GGTLC1: variants seen among roughly 807,000 people sequenced by gnomAD.
GGTLC1 encodes gamma-glutamyltransferase light chain 1, also known as glutathione hydrolase light chain 1.
In GGTLC1, 14 loss-of-function variants were observed where a neutral mutation model predicts 19.5. The ratio of observed to expected loss-of-function variants is 0.72; its 90% confidence interval spans 0.47 to 1.12. GGTLC1 has a LOEUF of 1.12. GGTLC1 is among the 50% of genes most tolerant of loss of function. The pLI is 0.00. For synonymous variants in GGTLC1, 110 were observed against 124.2 expected (o/e 0.89, Z 0.76); for missense variants, 304 against 309.2 (o/e 0.98, Z 0.13).
At chr20:23,985,593 G>T (rs1987829682) in intron 5 of GGTLC1, 74 bp downstream of exon 5, 3 of 1,608,596 alleles carry the variant, frequency 1.9e-6, no homozygotes, top group Non-Finnish European at 2.5e-6. Flanking sequence ...TCCACTCTGT[G>T]ATGATCCAGG....
chr20:23,988,272 T>C (rs554133118), intron 1 of GGTLC1, among the ~76,000 whole-genome samples: 1 of 151,624 alleles, frequency 6.6e-6, no homozygotes, highest in East Asian at 2.0e-4. Context: ...GGTCTCCAAC[T>C]CCTGAGCTCG....
chr20:23,986,549 C>G lies in GGTLC1; in HGVS notation c.63G>C (p.Pro21=). The G allele has an allele frequency of 6.2e-7, 1 of 1,609,838 alleles. No homozygotes were observed. Among genetic ancestry groups the G allele is most frequent in the Non-Finnish European group, 8.5e-7 (1 of 1,178,952 alleles). Residue 21 remains proline, a synonymous_variant, in exon 2 of 6, where the codon CCG becomes CCC. Coordinates refer to ENST00000335694, the MANE Select transcript of GGTLC1 (RefSeq NM_178311.3). The stretch of plus-strand genomic sequence containing the variant: ...AGAACTCGGGCTTGTAGTAGGAGAT[C>G]GGGTGAGTGGTGTCGTCAGAGATCT... ...RAQISDDTTH[P]ISYYKPEFYM... is the part of the protein sequence containing the mutation.
In GGTLC1 at chr20:23,986,655, T is replaced by A; in HGVS notation, c.-34-10A>T. 4.2e-6 allele frequency: 1 copy of A among 238,334 alleles called. No individual in the cohort carries two copies. 14.8% of individuals were successfully genotyped at this position (238,334 alleles called of 1,614,324 possible). A position where few individuals can be genotyped will look rare whatever the true frequency, so the allele number is the denominator to read the frequency against. On this transcript the variant is annotated splice_polypyrimidine_tract_variant and intron_variant, in intron 1 of 5. Transcript: ENST00000335694. ...AGACCCCAGAGCTGGCCTAGGGAGGTGGGGAGGGAGGGTGGGGAGGGGGCA... is the reference window on the plus strand; with the variant it reads ...AGACCCCAGAGCTGGCCTAGGGAGGAGGGGAGGGAGGGTGGGGAGGGGGCA...
chr20:23,986,458 C>A lies in GGTLC1; in HGVS notation c.154G>T (p.Ala52Ser), dbSNP rs371694918. ...VVAEDGSAVSATSTINLYFGS... is the reference protein window; with the variant it reads ...VVAEDGSAVSSTSTINLYFGS... ...TACTAGAGGTTGATGGTGCTGGTGGCGGACACAGCACTGCCGTCCTCTGCG... is the reference window on the plus strand; with the variant it reads ...TACTAGAGGTTGATGGTGCTGGTGGAGGACACAGCACTGCCGTCCTCTGCG... Residue 52 changes from alanine (A) to serine (S), a missense_variant, in exon 2 of 6, where the codon GCC becomes TCC. Physicochemically the swap from Ala to Ser is moderately conservative, Grantham distance 99. Transcript: ENST00000335694. 68 of 1,611,634 alleles carry A rather than the reference C, an allele frequency of 4.2e-5. No homozygotes were observed. Among genetic ancestry groups the A allele is most frequent in the Admixed American group, 1.0e-4 (6 of 59,994 alleles).
chr20:23,985,481 G>A (rs1302536906), intron 5 of GGTLC1, 119 bp from the exon 6 acceptor site: 5 of 1,600,442 alleles, frequency 3.1e-6, no homozygotes, highest in East Asian at 2.2e-5. Flanking sequence ...ATCAGGAAGA[G>A]CAGGTTGGGG....
In GGTLC1 at chr20:23,985,819, G is replaced by C. The variant is rs1208320645; in HGVS notation, c.418-39C>G. ...GTGTGATCAGCATGGCTTGGGGGCT[G>C]TGCAGGGTGGGCACGGCCAGGGAGA... is the stretch of plus-strand genomic sequence containing the variant. On this transcript the variant is annotated intron_variant, in intron 4 of 5. Transcript: ENST00000335694. 3 of 1,611,934 alleles carry C rather than the reference G, an allele frequency of 1.9e-6. No individual in the cohort carries two copies. In the South Asian group the frequency reaches 3.3e-5, roughly 18 times the overall value.
chr20:23,987,810 G>A (rs1345532436), intron 1 of GGTLC1, among the ~76,000 whole-genome samples: 1 of 150,828 alleles, frequency 6.6e-6, no homozygotes, highest in Non-Finnish European at 1.5e-5. Flanking sequence ...TGTAATCCCA[G>A]CACTTTGGGA....
At chr20:23,986,965 G>A (rs1170995361) in intron 1 of GGTLC1, 5 of 574,030 alleles carry the variant, frequency 8.7e-6, no homozygotes, top group Non-Finnish European at 1.4e-5. Flanking sequence ...CTTAGGTCCT[G>A]CCCTCATGCC....
Position 23,985,995 on chromosome 20 carries a change from C to T in GGTLC1, c.305-21G>A, listed in dbSNP as rs760578718. The T allele has an allele frequency of 2.1e-5, 34 of 1,611,880 alleles. No homozygotes were observed. The African/African-American group carries it at 4.4e-4, about 21-fold the overall frequency. ...CTTCCCTGCGGCCAATGGGAGAAGACAGGGATGCCCGTCAGCTGCCTGCCC... is the reference window on the plus strand; with the variant it reads ...CTTCCCTGCGGCCAATGGGAGAAGATAGGGATGCCCGTCAGCTGCCTGCCC... On this transcript the variant is annotated intron_variant, in intron 3 of 5. Coordinates refer to ENST00000335694, the MANE Select transcript of GGTLC1 (RefSeq NM_178311.3).
chr20:23,985,729 C>T lies in GGTLC1; in HGVS notation c.469G>A (p.Glu157Lys), dbSNP rs370426320. The T allele has an allele frequency of 2.5e-6, 4 of 1,611,938 alleles. No individual in the cohort carries two copies. Among genetic ancestry groups the T allele is most frequent in the Non-Finnish European group, 3.4e-6 (4 of 1,179,860 alleles). The stretch of plus-strand genomic sequence containing the variant: ...AGAAGCTGGTTGTGCAGCCGGGGCT[C>T]CTCCACGGCCCACTTCACGTCATAG... ...FGYDVKWAVE[E>K]PRLHNQLLPN... Residue 157 changes from glutamate to lysine, a missense_variant, in exon 5 of 6, where the codon GAG becomes AAG. Transcript: ENST00000335694.
At chr20:23,987,541 T>C (rs1347416945) in intron 1 of GGTLC1, among the ~76,000 whole-genome samples, 1 of 146,092 alleles carries the variant, frequency 6.8e-6, no homozygotes, top group African/African-American at 2.5e-5. Context: ...GGTGCACGTA[T>C]AAAAAAAATA....
Position 23,985,734 on chromosome 20 carries a change from A to G in GGTLC1, c.464T>C (p.Val155Ala), listed in dbSNP as rs754005703. The change falls in exon 5 of 6, where the codon GTG (valine) becomes GCG (alanine). Residue 155 changes from valine to alanine, a missense_variant. Physicochemically the swap from Val to Ala is moderately conservative, Grantham distance 64. Coordinates refer to ENST00000335694, the MANE Select transcript of GGTLC1 (RefSeq NM_178311.3). Reference sequence around the variant, plus strand: ...CTGGTTGTGCAGCCGGGGCTCCTCCACGGCCCACTTCACGTCATAGCCGAA... The same window carrying G: ...CTGGTTGTGCAGCCGGGGCTCCTCCGCGGCCCACTTCACGTCATAGCCGAA... ...LWFGYDVKWA[V>A]EEPRLHNQLL... The G allele has an allele frequency of 6.8e-6, 11 of 1,611,890 alleles. No individual in the cohort carries two copies. In the South Asian group the frequency reaches 1.1e-4, roughly 16 times the overall value.
intron 1 of GGTLC1, among the ~76,000 whole-genome samples, chr20:23,988,277 A>G (rs952734389): frequency 6.6e-6 from 1 of 151,436 alleles, no homozygotes; most frequent in Non-Finnish European, 1.5e-5. Context: ...CCAACTCCTG[A>G]GCTCGTGATC....
chr20:23,985,642 T>G (rs1180447850), intron 5 of GGTLC1, 25 bp downstream of exon 5: 3 of 1,611,602 alleles, frequency 1.9e-6, no homozygotes, highest in Non-Finnish European at 2.5e-6. Flanking sequence ...ACACCGTGAC[T>G]CAGTTTCTCC....
rs1987836614 is a variant in GGTLC1, at chr20:23,985,675, T to C, written c.523A>G (p.Ile175Val). ...LPNVTTVERN[I>V]DQEVTAALET... Reference sequence around the variant, plus strand: ...TCCAACCCCCAGCCCACCTGGTCAATGTTTCTCTCCACTGTCGTGACGTTG... The same window carrying C: ...TCCAACCCCCAGCCCACCTGGTCAACGTTTCTCTCCACTGTCGTGACGTTG... Residue 175 changes from isoleucine to valine, a missense_variant, in exon 5 of 6, where the codon ATT becomes GTT. Physicochemically the swap from Ile to Val is conservative, Grantham distance 29. Transcript: ENST00000335694. 6.2e-7 allele frequency: 1 copy of C among 1,611,984 alleles called. No homozygotes were observed. The highest frequency in any genetic ancestry group is 8.5e-7 in the Non-Finnish European group (1 of 1,179,852).
At chr20:23,985,383 G>A (rs561930036) in intron 5 of GGTLC1, 21 bp from the exon 6 acceptor site, 4 of 1,611,402 alleles carry the variant, frequency 2.5e-6, no homozygotes, top group South Asian at 2.2e-5. Flanking sequence ...GAGGAGAGGG[G>A]AAGCCTGAGC....
At chr20:23,986,689 A>G in intron 1 of GGTLC1, 44 bp from the exon 2 acceptor site, 3 of 1,563,248 alleles carry the variant, frequency 1.9e-6, no homozygotes, top group Non-Finnish European at 2.6e-6. Flanking sequence ...CACAGGTCTC[A>G]GAAGGCCCCT....
chr20:23,986,316 G>A lies in GGTLC1; in HGVS notation c.177-113C>T, dbSNP rs1987909443. 1.6e-5 allele frequency: 25 copies of A among 1,605,206 alleles called. No homozygotes were observed. In the South Asian group the frequency reaches 2.8e-4, roughly 18 times the overall value. On this transcript the variant is annotated intron_variant, in intron 2 of 5. Transcript: ENST00000335694. Reference sequence around the variant, plus strand: ...GAGAGGCTCAGGATAAGCTACCAAGGTTGGGCCTCAGTTTCCCACCAGGAA... The same window carrying A: ...GAGAGGCTCAGGATAAGCTACCAAGATTGGGCCTCAGTTTCCCACCAGGAA...
chr20:23,986,625 T>A lies in GGTLC1; in HGVS notation c.-14A>T, dbSNP rs780526994. 1.5e-6 allele frequency: 2 copies of A among 1,338,742 alleles called. No homozygotes were observed. The highest frequency in any genetic ancestry group is 1.5e-5 in the African/African-American group (1 of 64,520). The allele number at this position is 1,338,742 out of a possible 1,614,324, so 82.9% of individuals were successfully genotyped here. ...CTCGGAGGTCATGTCGCGGACCACC[T>A]GCCGAGACCCCAGAGCTGGCCTAGG... On this transcript the variant is annotated 5_prime_UTR_variant, in exon 2 of 6. Coordinates refer to ENST00000335694, the MANE Select transcript of GGTLC1 (RefSeq NM_178311.3).
Sources: allele counts gnomAD v4.1 joint callset (sites outside exome capture counted in the v4.1 genomes callset), GRCh38; gene constraint gnomAD v4.1.1; transcripts MANE v1.5; gene names NCBI Gene and HGNC (gene_info 2026-07-23, HGNC 2026-07-21).